The following CLUL1 variants were observed in gnomAD, a reference collection of about 807,000 sequenced individuals.
The protein encoded by CLUL1 is clusterin-like protein 1.
CLUL1 carries 43 observed loss-of-function variants against 49.4 expected under a neutral mutation model. The observed-to-expected ratio is 0.87, with a 90% CI of 0.68 to 1.12. CLUL1 has a LOEUF of 1.12. Ranked by LOEUF, CLUL1 falls within the 50% of genes most tolerant of loss-of-function variation. The probability of loss-of-function intolerance (pLI) is 0.00; values close to 1 mark genes in which losing one functional copy is unlikely to be tolerated. For synonymous variants in CLUL1, 192 were observed against 184.9 expected, an observed-to-expected ratio of 1.04 and a Z score of -0.31; for missense variants, 486 against 544.4, an observed-to-expected ratio of 0.89 and a Z score of 1.07.
In CLUL1 at chr18:615,279, A is replaced by G. The variant is rs796599351; in HGVS notation, c.-13-2709A>G. On this transcript the variant is annotated intron_variant, in intron 2 of 9. Coordinates refer to ENST00000692774, the MANE Select transcript of CLUL1 (RefSeq NM_001393344.1). ...GAAGAGCCTTTTTGGAAGCTTCGAGATATTTTCAAAGTAATTAGTACTAGT... is the reference window on the plus strand; with the variant it reads ...GAAGAGCCTTTTTGGAAGCTTCGAGGTATTTTCAAAGTAATTAGTACTAGT... 5.3e-5 allele frequency among the ~76,000 whole-genome samples: 8 copies of G among 152,328 alleles called. 1 individual carries two copies. The highest frequency in any genetic ancestry group is 1.9e-4 in the African/African-American group (8 of 41,568).
At chr18:616,748 A>G in intron 2 of CLUL1, 1 of 973,310 alleles carries the variant, frequency 1.0e-6, no homozygotes, top group Non-Finnish European at 1.2e-6. Flanking sequence ...CACTGGGGAG[A>G]TATTGCAAAG....
intron 7 of CLUL1, among the ~76,000 whole-genome samples, chr18:634,249 C>G (rs1188687595): frequency 1.3e-5 from 2 of 152,144 alleles, no homozygotes; most frequent in African/African-American, 4.8e-5. Context: ...CCTGCCTCAG[C>G]CTGCCAAGTA....
chr18:647,531 G>A (rs941151303), intron 9 of CLUL1, among the ~76,000 whole-genome samples: 2 of 152,152 alleles, frequency 1.3e-5, no homozygotes, highest in East Asian at 1.9e-4. Flanking sequence ...AGGGCCCAGC[G>A]CTCAGGGTGA....
intron 2 of CLUL1, among the ~76,000 whole-genome samples, chr18:613,738 G>C (rs572006538): frequency 2.4e-3 from 371 of 152,326 alleles, no homozygotes; most frequent in Non-Finnish European, 4.5e-3. Context: ...ACAGGCCTGA[G>C]CCACTGTGCC....
At chr18:605,620 G>C (rs547491423) in intron 1 of CLUL1, among the ~76,000 whole-genome samples, 50 of 152,230 alleles carry the variant, frequency 3.3e-4, no homozygotes, top group African/African-American at 1.1e-3. Context: ...AGGAAAACAT[G>C]CATGGTATTT....
In CLUL1 at chr18:606,769, CACAA is replaced by C. The variant is rs2072983162; in HGVS notation, c.-135-203_-135-200del. Among the ~76,000 whole-genome samples the C allele has an allele frequency of 6.6e-6, 1 of 152,116 alleles. No individual in the cohort carries two copies. The highest frequency in any genetic ancestry group is 2.4e-5 in the African/African-American group (1 of 41,422). Reference sequence around the variant, plus strand: ...AAACGTAAAACAACAAACATATACACACAAACAAAAATAAACGTGAGATATGATT... The same window carrying C: ...AAACGTAAAACAACAAACATATACACACAAAAATAAACGTGAGATATGATT... On this transcript the variant is annotated intron_variant, in intron 1 of 9. Coordinates refer to ENST00000692774, the MANE Select transcript of CLUL1 (RefSeq NM_001393344.1). The surrounding 1 kb of genome is among the most constrained non-coding windows in gnomAD (Gnocchi z 4.1).
chr18:647,543 G>A (rs1434332665), intron 9 of CLUL1, among the ~76,000 whole-genome samples: 1 of 152,174 alleles, frequency 6.6e-6, no homozygotes, highest in Non-Finnish European at 1.5e-5. Context: ...TCAGGGTGAA[G>A]CAGCTGCAGT....
At chr18:623,575 A>G (rs1472821384) in intron 4 of CLUL1, among the ~76,000 whole-genome samples, 3 of 142,458 alleles carry the variant, frequency 2.1e-5, no homozygotes, top group Non-Finnish European at 4.6e-5. Flanking sequence ...AACCTGGGAG[A>G]TGGAGGTTGC....
intron 2 of CLUL1, among the ~76,000 whole-genome samples, chr18:612,550 T>C (rs1337499275): frequency 6.6e-6 from 1 of 152,202 alleles, no homozygotes; most frequent in Non-Finnish European, 1.5e-5. Context: ...TATTTTCATT[T>C]TGCACTGGGT....
At chr18:634,421 C>T (rs1486231131) in intron 7 of CLUL1, among the ~76,000 whole-genome samples, 1 of 152,288 alleles carries the variant, frequency 6.6e-6, no homozygotes, top group East Asian at 1.9e-4. Flanking sequence ...CATGAACCAC[C>T]GTGCCTGGCC....
chr18:633,789 GCATGT>G (rs2074056739), intron 7 of CLUL1, among the ~76,000 whole-genome samples: 1 of 149,370 alleles, frequency 6.7e-6, no homozygotes, highest in Non-Finnish European at 1.5e-5. Flanking sequence ...TTATGACAGA[GCATGT>G]AATCGGAATG....
At chr18:620,963 G>T (rs1449435535) in intron 4 of CLUL1, among the ~76,000 whole-genome samples, 1 of 152,060 alleles carries the variant, frequency 6.6e-6, no homozygotes, top group Admixed American at 6.6e-5. Context: ...TTTTAATGTT[G>T]AGAGTAAATT....
chr18:618,102 G>A lies in CLUL1; in HGVS notation c.102G>A (p.Leu34=), dbSNP rs900276667. The A allele has an allele frequency of 6.2e-7, 1 of 1,611,250 alleles. No individual in the cohort carries two copies. The highest frequency in any genetic ancestry group is 8.5e-7 in the Non-Finnish European group (1 of 1,177,512). ...ACAAAACTGCTATCAGTGAAAACCT[G>A]AAGAGTACGTTTGGTTTCTTATCTG... The part of the protein sequence containing the change: ...WKDKTAISEN[L]KSFSEVGEID... The change falls in exon 3 of 10, where the codon CTG becomes CTA. Residue 34 remains leucine (L), a synonymous_variant. Transcript: ENST00000692774. The surrounding 1 kb of genome is among the most constrained non-coding windows in gnomAD (Gnocchi z 4.2).
At chr18:619,412 T>TACTG (rs2073418318) in intron 4 of CLUL1, 51 bp downstream of exon 4, 1 of 1,500,480 alleles carries the variant, frequency 6.7e-7, no homozygotes, top group Admixed American at 2.1e-5. Flanking sequence ...GGACCAGAAA[T>TACTG]ACTGCACTTG....
At chr18:603,753 G>A (rs1164253978) in intron 1 of CLUL1, among the ~76,000 whole-genome samples, 2 of 152,114 alleles carry the variant, frequency 1.3e-5, no homozygotes, top group Non-Finnish European at 2.9e-5. Flanking sequence ...AAGATTTTCT[G>A]GTGTTACCTC....
chr18:599,060 T>C (rs12969181), intron 1 of CLUL1, among the ~76,000 whole-genome samples: 21 of 152,294 alleles, frequency 1.4e-4, no homozygotes, highest in Admixed American at 5.9e-4. Flanking sequence ...CTACAATACA[T>C]AAAAGGAATG....
chr18:623,723 G>C (rs2073582609), intron 4 of CLUL1, among the ~76,000 whole-genome samples: 1 of 150,904 alleles, frequency 6.6e-6, no homozygotes. Flanking sequence ...ACACACTCCT[G>C]TCTGGGTCAA....
chr18:619,444 T>TAAGGAAAATAAG, intron 4 of CLUL1, 83 bp downstream of exon 4: 1 of 1,236,952 alleles, frequency 8.1e-7, no homozygotes, highest in Non-Finnish European at 1.1e-6. Flanking sequence ...GATGAATTAC[T>TAAGGAAAATAAG]TATTTTCCTT....
intron 6 of CLUL1, 126 bp from the exon 7 acceptor site, chr18:633,172 A>AATAC (rs1598435265): frequency 3.1e-6 from 2 of 636,604 alleles, no homozygotes; most frequent in Admixed American, 3.4e-5. Flanking sequence ...AAATAAATTA[A>AATAC]ATACATACAT....
Sources: gnomAD v4.1 joint callset for allele counts (sites outside exome capture counted in the v4.1 genomes callset) on GRCh38, gnomAD v4.1.1 for gene constraint, Gnocchi (gnomAD v3.1) non-coding constraint, MANE v1.5 for transcripts, NCBI Gene and HGNC (gene_info 2026-07-23, HGNC 2026-07-21) for gene names.